Variants in SORT1 observed in about 807,000 individuals in gnomAD.
SORT1 encodes sortilin.
In SORT1, 39 loss-of-function variants were observed where a neutral mutation model predicts 101.7. The observed-to-expected ratio is 0.38, with a 90% CI of 0.30 to 0.50. The LOEUF (loss-of-function observed/expected upper bound fraction) is 0.50, where lower values mean the gene tolerates loss of function less well. Ranked by LOEUF, SORT1 falls within the 20% of genes least tolerant of loss-of-function variation. The probability of loss-of-function intolerance (pLI) is 0.90; values close to 1 mark genes in which losing one functional copy is unlikely to be tolerated. For missense variants in SORT1, 878 were observed against 1,040.4 expected, an observed-to-expected ratio of 0.84 and a Z score of 2.15; for synonymous variants, 396 against 393.7, an observed-to-expected ratio of 1.01 and a Z score of -0.07.
At chr1:109,319,425 G>C (rs1282268784) in intron 15 of SORT1, among the ~76,000 whole-genome samples, 8 of 152,260 alleles carry the variant, frequency 5.3e-5, no homozygotes, top group Non-Finnish European at 1.2e-4. Context: ...TCCTTAGCCT[G>C]CATGTCTTGA....
chr1:109,315,480 C>T lies in SORT1; in HGVS notation c.2251-702G>A, dbSNP rs186136528. Among the ~76,000 whole-genome samples the T allele has an allele frequency of 1.0e-3, 152 of 152,134 alleles. No individual in the cohort carries two copies. In the Middle Eastern group the frequency reaches 0.01, roughly 10 times the overall value. On this transcript the variant is annotated intron_variant, in intron 17 of 19. Transcript: ENST00000256637. ...GTGCACAGAAGGAGGAACTCGCCCCCTTACCAATACACACACTCACACACT... is the reference window on the plus strand; with the variant it reads ...GTGCACAGAAGGAGGAACTCGCCCCTTTACCAATACACACACTCACACACT...
intron 1 of SORT1, chr1:109,392,828 C>T (rs578137023): frequency 2.8e-5 from 28 of 985,014 alleles, no homozygotes; most frequent in Non-Finnish European, 3.0e-5. Context: ...AGGTTTCGCT[C>T]ACTCTGCTCA....
At chr1:109,372,559 G>A (rs1341193631) in intron 1 of SORT1, among the ~76,000 whole-genome samples, 1 of 152,128 alleles carries the variant, frequency 6.6e-6, no homozygotes, top group Admixed American at 6.6e-5. Flanking sequence ...TCAAGATGGA[G>A]TGACAGGGAT....
intron 3 of SORT1, among the ~76,000 whole-genome samples, chr1:109,355,705 A>G (rs576435280): frequency 1.8e-4 from 24 of 131,542 alleles, no homozygotes; most frequent in African/African-American, 5.8e-4. Context: ...GGAGTGACTC[A>G]GGATGAGCCA....
intron 11 of SORT1, among the ~76,000 whole-genome samples, chr1:109,334,680 A>C (rs141418182): frequency 6.6e-6 from 1 of 152,194 alleles, no homozygotes; most frequent in Non-Finnish European, 1.5e-5. Flanking sequence ...TGTTCTCACC[A>C]CACACACAAA....
At chr1:109,380,872 G>A (rs1652185875) in intron 1 of SORT1, among the ~76,000 whole-genome samples, 1 of 148,280 alleles carries the variant, frequency 6.7e-6, no homozygotes, top group Admixed American at 6.8e-5. Context: ...TGCACCTGTA[G>A]TCCCAGCTAC....
intron 8 of SORT1, among the ~76,000 whole-genome samples, chr1:109,343,839 C>T (rs934182996): frequency 2.6e-5 from 4 of 152,116 alleles, no homozygotes; most frequent in Non-Finnish European, 4.4e-5. Context: ...TTAGTAGAGA[C>T]AGGGTTTCGC....
chr1:109,353,788 G>T (rs1450936031), intron 5 of SORT1, among the ~76,000 whole-genome samples: 1 of 152,154 alleles, frequency 6.6e-6, no homozygotes, highest in Non-Finnish European at 1.5e-5. Flanking sequence ...AAAGGAGACT[G>T]GTCCTCCAGG....
At chr1:109,326,558 T>TATAC (rs1440697498) in intron 13 of SORT1, among the ~76,000 whole-genome samples, 49 of 145,062 alleles carry the variant, frequency 3.4e-4, no homozygotes, top group African/African-American at 1.2e-3. Flanking sequence ...CACATATATA[T>TATAC]ACACACACAC....
intron 3 of SORT1, among the ~76,000 whole-genome samples, chr1:109,355,968 C>T (rs2101606649): frequency 6.6e-6 from 1 of 152,032 alleles, no homozygotes; most frequent in South Asian, 2.1e-4. Context: ...AATTCCCAGG[C>T]TCAAGTGATT....
At chr1:109,326,946 G>A (rs757416321) in intron 13 of SORT1, 46 bp downstream of exon 13, 2 of 1,418,282 alleles carry the variant, frequency 1.4e-6, no homozygotes, top group Non-Finnish European at 1.9e-6. Context: ...CATTCCCCCA[G>A]TTGCCCTCTA....
At chr1:109,380,868 T>TGTAGTCCCA (rs1309677501) in intron 1 of SORT1, among the ~76,000 whole-genome samples, 1 of 146,122 alleles carries the variant, frequency 6.8e-6, no homozygotes, top group Non-Finnish European at 1.5e-5. Flanking sequence ...GGTGTGCACC[T>TGTAGTCCCA]GTAGTCCCAG....
At position 109,311,338 on chromosome 1, in the gene SORT1, TAC is replaced by T. The variant is rs1658720324; in HGVS notation, c.*2703_*2704del. 1 of 152,270 alleles carries T rather than the reference TAC, an allele frequency of 6.6e-6. No individual in the cohort carries two copies. 9.4% of individuals were successfully genotyped at this position (152,270 alleles called of 1,614,324 possible). A position where few individuals can be genotyped will look rare whatever the true frequency, so the allele number is the denominator to read the frequency against. ...TCAAGCCTGGGAGTTTACACAATGATACACTATGTTTTACCTTCAAAGATAAT... is the reference window on the plus strand; with the variant it reads ...TCAAGCCTGGGAGTTTACACAATGATACTATGTTTTACCTTCAAAGATAAT... On this transcript the variant is annotated 3_prime_UTR_variant, in exon 20 of 20. Transcript: ENST00000256637.
chr1:109,351,119 C>T lies in SORT1; in HGVS notation c.709-117G>A, dbSNP rs539534865. On this transcript the variant is annotated intron_variant, in intron 5 of 19. Transcript: ENST00000256637. Reference sequence around the variant, plus strand: ...ACAGGAAAAACACATACTGAAGCTCCATCAGAGCTGCCCGAGCTCCACAGA... The same window carrying T: ...ACAGGAAAAACACATACTGAAGCTCTATCAGAGCTGCCCGAGCTCCACAGA... 9 of 776,384 alleles carry T rather than the reference C, an allele frequency of 1.2e-5. No individual in the cohort carries two copies. In the South Asian group the frequency reaches 1.3e-4, roughly 11 times the overall value. The allele number at this position is 776,384 out of a possible 1,614,324, so 48.1% of individuals were successfully genotyped here.
At chr1:109,336,448 G>T (rs932975001) in intron 10 of SORT1, 102 bp from the exon 11 acceptor site, 35 of 750,318 alleles carry the variant, frequency 4.7e-5, no homozygotes, top group Non-Finnish European at 6.6e-5. Flanking sequence ...TATAGCACCT[G>T]GAGTCCGACA....
intron 7 of SORT1, 38 bp from the exon 8 acceptor site, chr1:109,345,919 C>T (rs1175678249): frequency 6.3e-7 from 1 of 1,576,616 alleles, no homozygotes; most frequent in East Asian, 2.2e-5. Flanking sequence ...ATTTCACTTA[C>T]TGGTGAGCCT....
intron 1 of SORT1, among the ~76,000 whole-genome samples, chr1:109,379,714 C>T (rs1164909012): frequency 1.3e-5 from 2 of 152,106 alleles, no homozygotes; most frequent in African/African-American, 4.8e-5. Context: ...ATTATTGCCA[C>T]TTTTGGAAAA....
In SORT1 at chr1:109,365,788, C is replaced by A. The variant is rs12070590; in HGVS notation, c.440+1620G>T. On this transcript the variant is annotated intron_variant, in intron 3 of 19. Coordinates refer to ENST00000256637, the MANE Select transcript of SORT1 (RefSeq NM_002959.7). ...TAGTTAGATGGCAATTCCTTGTTGG[C>A]CTAAAGGTATTTGCTGCCTCTCTGG... Among the ~76,000 whole-genome samples, 955 of 152,268 alleles carry A rather than the reference C, an allele frequency of 6.3e-3. 9 individuals carry two copies. The highest frequency in any genetic ancestry group is 0.019 in the African/African-American group (806 of 41,546).
chr1:109,364,741 AT>A (rs1299970406), intron 3 of SORT1, among the ~76,000 whole-genome samples: 1 of 152,156 alleles, frequency 6.6e-6, no homozygotes, highest in Non-Finnish European at 1.5e-5. Context: ...CTTCAAATTC[AT>A]TTTAACAACT....
Sources: allele counts gnomAD v4.1 joint callset (sites outside exome capture counted in the v4.1 genomes callset), GRCh38; gene constraint gnomAD v4.1.1; transcripts MANE v1.5; gene names NCBI Gene and HGNC (gene_info 2026-07-23, HGNC 2026-07-21).